Variants in DNAJC15 observed in about 807,000 individuals in gnomAD.
DNAJC15 encodes the protein DnaJ heat shock protein family (Hsp40) member C15.
A neutral mutation model predicts 22.4 loss-of-function variants in DNAJC15; 27 were observed. The ratio of observed to expected loss-of-function variants is 1.20; its 90% CI spans 0.89 to 1.66. DNAJC15 has a LOEUF of 1.66. Ranked by LOEUF, DNAJC15 falls within the 40% of genes most tolerant of loss-of-function variation. DNAJC15 has a pLI of 0.00. For synonymous variants in DNAJC15, 79 were observed against 63.2 expected (o/e 1.25, Z -1.19); for missense variants, 208 against 187.1 (o/e 1.11, Z -0.65).
intron 1 of DNAJC15, among the ~76,000 whole-genome samples, chr13:43,036,800 G>A (rs896899285): frequency 6.6e-6 from 1 of 152,362 alleles, no homozygotes; most frequent in South Asian, 2.1e-4. Context: ...GGCTGAAGTG[G>A]CAGGGGGCTG....
chr13:43,090,497 A>T (rs951297646), intron 5 of DNAJC15, among the ~76,000 whole-genome samples: 12 of 147,674 alleles, frequency 8.1e-5, no homozygotes, highest in Non-Finnish European at 1.6e-4. Flanking sequence ...CTTCCATATT[A>T]AAAAAAACAT....
chr13:43,038,791 C>CA (rs1281730205), intron 1 of DNAJC15, among the ~76,000 whole-genome samples: 2 of 91,554 alleles, frequency 2.2e-5, no homozygotes, highest in Admixed American at 1.3e-4. Flanking sequence ...GACTCTGTCT[C>CA]AAAAAATAGG....
At chr13:43,038,597 CCTGG>C (rs1399065208) in intron 1 of DNAJC15, among the ~76,000 whole-genome samples, 1 of 152,084 alleles carries the variant, frequency 6.6e-6, no homozygotes, top group Non-Finnish European at 1.5e-5. Context: ...TCGAGACCAT[CCTGG>C]CTAACACAGT....
chr13:43,113,593 T>G lies in DNAJC15; in HGVS notation c.*6345T>G, dbSNP rs2040834262. Reference sequence around the variant, plus strand: ...CTTATGACTAATATTCATAACAGACTTGTGAGTTCCTTGAACATGGATACA... The same window carrying G: ...CTTATGACTAATATTCATAACAGACGTGTGAGTTCCTTGAACATGGATACA... On this transcript the variant is annotated 3_prime_UTR_variant, in exon 6 of 6. Transcript: ENST00000379221. The G allele has an allele frequency of 6.6e-6, 1 of 152,242 alleles. No homozygotes were observed. Among genetic ancestry groups the G allele is most frequent in the Non-Finnish European group, 1.5e-5 (1 of 68,054 alleles). 9.4% of individuals were successfully genotyped at this position (152,242 alleles called of 1,614,324 possible). A position where few individuals can be genotyped will look rare whatever the true frequency, so the allele number is the denominator to read the frequency against.
chr13:43,039,987 C>A (rs2040445663), intron 1 of DNAJC15, among the ~76,000 whole-genome samples: 1 of 152,022 alleles, frequency 6.6e-6, no homozygotes, highest in African/African-American at 2.4e-5. Flanking sequence ...CCACTGCGCT[C>A]CATCCTGGGC....
At chr13:43,046,723 A>G (rs1254209681) in intron 1 of DNAJC15, among the ~76,000 whole-genome samples, 4 of 152,018 alleles carry the variant, frequency 2.6e-5, no homozygotes, top group African/African-American at 7.3e-5. Flanking sequence ...AAATCTTGCA[A>G]CTGCACACTC....
chr13:43,080,230 C>T (rs2040655478), intron 4 of DNAJC15, among the ~76,000 whole-genome samples: 1 of 152,056 alleles, frequency 6.6e-6, no homozygotes, highest in Non-Finnish European at 1.5e-5. Flanking sequence ...TACCTCCTAC[C>T]CTCCACCCTC....
At chr13:43,027,750 A>T (rs1285321328) in intron 1 of DNAJC15, among the ~76,000 whole-genome samples, 3 of 151,622 alleles carry the variant, frequency 2.0e-5, no homozygotes, top group Non-Finnish European at 2.9e-5. Context: ...TCTGCCTCAC[A>T]GGTTCACCTG....
At chr13:43,054,073 T>C (rs985862468) in intron 1 of DNAJC15, among the ~76,000 whole-genome samples, 1 of 152,212 alleles carries the variant, frequency 6.6e-6, no homozygotes, top group African/African-American at 2.4e-5. Context: ...CCCTAAGGTA[T>C]GTTCCTTCTA....
At chr13:43,074,861 T>A (rs188702423) in intron 3 of DNAJC15, among the ~76,000 whole-genome samples, 2,250 of 152,256 alleles carry the variant, frequency 0.015, 32 homozygotes, top group Non-Finnish European at 0.023. Context: ...ATCATGATTT[T>A]AAAAAATAAA....
At chr13:43,070,662 G>C (rs914027899) in intron 3 of DNAJC15, among the ~76,000 whole-genome samples, 1 of 152,170 alleles carries the variant, frequency 6.6e-6, no homozygotes, top group Non-Finnish European at 1.5e-5. Context: ...TCACTGCAAA[G>C]GTCCTGAGGT....
intron 3 of DNAJC15, among the ~76,000 whole-genome samples, chr13:43,073,284 G>A (rs2040617203): frequency 6.6e-6 from 1 of 152,234 alleles, no homozygotes; most frequent in Non-Finnish European, 1.5e-5. Flanking sequence ...GAGACTAGAA[G>A]GCAGCATTGG....
intron 5 of DNAJC15, among the ~76,000 whole-genome samples, chr13:43,086,425 C>G (rs1232695635): frequency 1.3e-5 from 2 of 151,572 alleles, no homozygotes; most frequent in East Asian, 3.9e-4. Context: ...TTTAAAATAA[C>G]AGATGGTAGA....
At chr13:43,026,524 G>A (rs558401202) in intron 1 of DNAJC15, among the ~76,000 whole-genome samples, 145 of 152,180 alleles carry the variant, frequency 9.5e-4, no homozygotes, top group African/African-American at 3.4e-3. Flanking sequence ...CCAATAATGA[G>A]GCAGAAGATT....
rs1246514292 is a variant in DNAJC15, at chr13:43,061,044, G to A, written c.109-4642G>A. On this transcript the variant is annotated intron_variant, in intron 1 of 5. Coordinates refer to ENST00000379221, the MANE Select transcript of DNAJC15 (RefSeq NM_013238.3). ...CCTGAGGAGTAGCAGAATAGCAGAT[G>A]GAATGCTGAGAAGTGATTTCCTTGA... 2.0e-5 allele frequency among the ~76,000 whole-genome samples: 3 copies of A among 152,172 alleles called. No individual in the cohort carries two copies. The East Asian group carries it at 5.8e-4, about 29-fold the overall frequency.
chr13:43,028,064 A>T (rs1203324995), intron 1 of DNAJC15, among the ~76,000 whole-genome samples: 1 of 152,214 alleles, frequency 6.6e-6, no homozygotes, highest in Non-Finnish European at 1.5e-5. Context: ...TAGCATTTAT[A>T]ATGGTGCCTG....
intron 5 of DNAJC15, among the ~76,000 whole-genome samples, chr13:43,106,539 C>T (rs1300504709): frequency 2.0e-5 from 3 of 152,164 alleles, no homozygotes; most frequent in Non-Finnish European, 4.4e-5. Flanking sequence ...CAAAACTACA[C>T]TCTGTAAATA....
chr13:43,067,439 CAT>C (rs2153440902), intron 2 of DNAJC15, among the ~76,000 whole-genome samples: 1 of 152,150 alleles, frequency 6.6e-6, no homozygotes, highest in Admixed American at 6.5e-5. Context: ...TGCCCCTAAA[CAT>C]AAAGGAATTT....
At chr13:43,101,892 CAT>C (rs1031202256) in intron 5 of DNAJC15, among the ~76,000 whole-genome samples, 2 of 152,170 alleles carry the variant, frequency 1.3e-5, no homozygotes, top group African/African-American at 4.8e-5. Context: ...CTGCTATAAA[CAT>C]GTGTGCAAGT....
Sources: allele counts gnomAD v4.1 joint callset (sites outside exome capture counted in the v4.1 genomes callset), GRCh38; gene constraint gnomAD v4.1.1; transcripts MANE v1.5; gene names NCBI Gene and HGNC (gene_info 2026-07-23, HGNC 2026-07-21).